The following PALB2 variants were observed in gnomAD, a reference collection of about 807,000 sequenced individuals.
PALB2 encodes the protein mutant partner and localizer of BRCA2.
Under a neutral mutation model 107.4 loss-of-function variants are expected in PALB2, and 82 were observed. That is an observed-to-expected ratio of 0.76 (90% CI 0.64 to 0.92). PALB2 has a LOEUF of 0.92. Ranked by LOEUF, PALB2 falls within the 40% of genes least tolerant of loss-of-function variation. PALB2 has a pLI of 0.00. For synonymous variants in PALB2, 489 were observed against 496.8 expected (o/e 0.98, Z 0.21); for missense variants, 1,374 against 1,379.9 (o/e 1.00, Z 0.07).
rs543266199 is a variant in PALB2 at position 23,635,568 on chromosome 16, T to C, written c.978A>G (p.Ser326=). 2.5e-6 allele frequency: 4 copies of C among 1,612,972 alleles called. No individual in the cohort carries two copies. The highest frequency in any genetic ancestry group is 1.1e-5 in the South Asian group (1 of 91,008). The change falls in exon 4 of 13, where the codon TCA becomes TCG. Residue 326 remains serine, a synonymous_variant. Transcript: ENST00000261584. ...TGTAGGTGAGTTCATTTAGAGAACA[T>C]GAAATATTTGCCTCTAAATTAGAAC... The part of the protein sequence containing the change: ...PTSSNLEANI[S]CSLNELTYNN...
In PALB2 at chr16:23,619,005, T is replaced by A. The variant is rs900738312; in HGVS notation, c.3113+2357A>T. On this transcript the variant is annotated intron_variant, in intron 10 of 12. Coordinates refer to ENST00000261584, the MANE Select transcript of PALB2 (RefSeq NM_024675.4). The stretch of plus-strand genomic sequence containing the variant: ...ACGTTTCTCTCAAGGGCCATACTTT[T>A]CTAGTTTATTCCTAGAAGGTTAGGG... 4.6e-5 allele frequency among the ~76,000 whole-genome samples: 7 copies of A among 152,178 alleles called. No homozygotes were observed. The South Asian group carries it at 8.3e-4, about 18-fold the overall frequency.
chr16:23,629,120 G>A, intron 6 of PALB2, 84 bp downstream of exon 6: 2 of 1,034,708 alleles, frequency 1.9e-6, no homozygotes, highest in Non-Finnish European at 3.0e-6. Flanking sequence ...TAAAGAACAA[G>A]AAGCTATATG....
At chr16:23,618,663 A>T (rs1966723455) in intron 10 of PALB2, among the ~76,000 whole-genome samples, 1 of 152,198 alleles carries the variant, frequency 6.6e-6, no homozygotes. Flanking sequence ...GTGACAGAGT[A>T]AGACATAGTC....
chr16:23,631,298 A>C (rs1225515114), intron 4 of PALB2, among the ~76,000 whole-genome samples: 3 of 146,696 alleles, frequency 2.0e-5, no homozygotes, highest in Admixed American at 6.8e-5. Flanking sequence ...AAAAAAAAAA[A>C]AAAAAAACTA....
chr16:23,605,838 C>T (rs1966462941), intron 12 of PALB2: 1 of 152,222 alleles, frequency 6.6e-6, no homozygotes, highest in South Asian at 2.1e-4. Flanking sequence ...TTTTGTAAAA[C>T]AGGCCCCAGA....
At chr16:23,609,613 G>A (rs1408303600) in intron 11 of PALB2, among the ~76,000 whole-genome samples, 4 of 152,022 alleles carry the variant, frequency 2.6e-5, no homozygotes, top group Non-Finnish European at 1.5e-5. Context: ...TGCCTCCTGG[G>A]TTCACGCCAT....
intron 8 of PALB2, 72 bp downstream of exon 8, chr16:23,623,937 T>C (rs1296307943): frequency 1.2e-5 from 12 of 975,284 alleles, no homozygotes; most frequent in Admixed American, 3.6e-5. Context: ...CCTAGGTTAT[T>C]ACCTGCACTT....
intron 4 of PALB2, among the ~76,000 whole-genome samples, chr16:23,631,556 C>CAAACA (rs1966878122): frequency 6.6e-6 from 1 of 151,934 alleles, no homozygotes; most frequent in South Asian, 2.1e-4. Flanking sequence ...TAAATAAAAC[C>CAAACA]AAACAAAACA....
In PALB2 at chr16:23,637,948, G is replaced by A. The variant is rs371875379; in HGVS notation, c.113C>T (p.Ala38Val). The A allele has an allele frequency of 1.9e-6, 3 of 1,613,118 alleles. No homozygotes were observed. In the East Asian group the frequency reaches 6.7e-5, roughly 36 times the overall value. Residue 38 changes from alanine to valine, a missense_variant, in exon 3 of 13, where the codon GCC becomes GTC. Transcript: ENST00000261584. ...ATGCTTAATCTTTTCAGCTCTTTGG[G>A]CACGCTAGAGGAGACAAAAACAGCC... is the stretch of plus-strand genomic sequence containing the variant. ...YSKTLARLQR[A>V]QRAEKIKHSI...
rs1060502805 is a variant in PALB2 at position 23,634,993 on chromosome 16, G to A, written c.1553C>T (p.Ser518Leu). ...PGRRYTGKRK[S>L]ACTPASDHCE... ...ATGATCTGATGCTGGGGTGCAGGCT[G>A]ATTTTCTTTTTCCTGTGTATCTTCT... The change falls in exon 4 of 13, where the codon TCA (serine) becomes TTA (leucine). Residue 518 changes from serine (S) to leucine (L), a missense_variant. By Grantham distance (145) the Ser-to-Leu change is moderately radical. Coordinates refer to ENST00000261584, the MANE Select transcript of PALB2 (RefSeq NM_024675.4). The A allele has an allele frequency of 6.2e-7, 1 of 1,614,040 alleles. No homozygotes were observed. The highest frequency in any genetic ancestry group is 1.3e-5 in the African/African-American group (1 of 74,902).
chr16:23,614,156 T>A (rs2142300826), intron 10 of PALB2, 65 bp from the exon 11 acceptor site: 1 of 1,194,350 alleles, frequency 8.4e-7, no homozygotes, highest in Non-Finnish European at 1.2e-6. Context: ...AGAAAATATT[T>A]TCTTATTCAT....
intron 6 of PALB2, among the ~76,000 whole-genome samples, chr16:23,627,926 G>C (rs1966849706): frequency 6.6e-6 from 1 of 152,124 alleles, no homozygotes; most frequent in Admixed American, 6.6e-5. Context: ...TTCTTTAAGA[G>C]ACTAAGTTAT....
Position 23,635,733 on chromosome 16 carries a change from A to T in PALB2, c.813T>A (p.Ser271Arg), listed in dbSNP as rs786203246. The change falls in exon 4 of 13, where the codon AGT becomes AGA. Residue 271 changes from serine (S) to arginine (R), a missense_variant. Physicochemically the swap from Ser to Arg is moderately radical, Grantham distance 110. Transcript: ENST00000261584. ...HLEHIPPKGS[S>R]ELTTHDLKNI... ...TTTTTAGGTCGTGAGTAGTAAGTTCACTGCTACCTTTAGGAGGAATGTGTT... is the reference window on the plus strand; with the variant it reads ...TTTTTAGGTCGTGAGTAGTAAGTTCTCTGCTACCTTTAGGAGGAATGTGTT... 1.2e-6 allele frequency: 2 copies of T among 1,614,058 alleles called. No homozygotes were observed. The highest frequency in any genetic ancestry group is 1.7e-6 in the Non-Finnish European group (2 of 1,180,032).
chr16:23,613,601 G>C (rs755044331), intron 11 of PALB2, among the ~76,000 whole-genome samples: 1 of 151,184 alleles, frequency 6.6e-6, no homozygotes, highest in Non-Finnish European at 1.5e-5. Context: ...CTGAGATCGC[G>C]CCATTGCACT....
chr16:23,605,880 A>ACCAGACAG (rs1371832056), intron 12 of PALB2: 1 of 152,226 alleles, frequency 6.6e-6, no homozygotes, highest in Non-Finnish European at 1.5e-5. Flanking sequence ...GGACACATCT[A>ACCAGACAG]TGAGCCAGGA....
chr16:23,609,766 T>C (rs1402884864), intron 11 of PALB2, among the ~76,000 whole-genome samples: 1 of 152,192 alleles, frequency 6.6e-6, no homozygotes, highest in African/African-American at 2.4e-5. Flanking sequence ...TCCGCCCGCC[T>C]TAGCCTCCCA....
chr16:23,622,500 T>A (rs1459850341), intron 9 of PALB2, among the ~76,000 whole-genome samples: 3 of 152,138 alleles, frequency 2.0e-5, no homozygotes, highest in Non-Finnish European at 4.4e-5. Context: ...GCTCAAGTGA[T>A]CCTTCCACCT....
chr16:23,626,387 C>T lies in PALB2; in HGVS notation c.2597G>A (p.Gly866Asp), dbSNP rs62625279. 3.1e-6 allele frequency: 5 copies of T among 1,613,982 alleles called. No homozygotes were observed. The highest frequency in any genetic ancestry group is 4.2e-6 in the Non-Finnish European group (5 of 1,180,038). The change falls in exon 7 of 13, where the codon GGT (glycine) becomes GAT (aspartate). Residue 866 changes from glycine (G) to aspartate (D), a missense_variant. By Grantham distance (94) the Gly-to-Asp change is moderately conservative (BLOSUM62 -1). Transcript: ENST00000261584. Reference sequence around the variant, plus strand: ...GGCACTCACATCTACGGAACAGGAACCTGAAGGATTCTGACACAATGGCAA... The same window carrying T: ...GGCACTCACATCTACGGAACAGGAATCTGAAGGATTCTGACACAATGGCAA... Reference protein sequence around the residue: ...QLVSELKNPSGSCSVDVSAMF... With the variant: ...QLVSELKNPSDSCSVDVSAMF...
At chr16:23,627,089 C>T (rs916424323) in intron 6 of PALB2, among the ~76,000 whole-genome samples, 4 of 152,108 alleles carry the variant, frequency 2.6e-5, no homozygotes, top group African/African-American at 7.2e-5. Context: ...ATTGAAACAA[C>T]ATACATTATA....
Sources: allele counts gnomAD v4.1 joint callset (sites outside exome capture counted in the v4.1 genomes callset), GRCh38; gene constraint gnomAD v4.1.1; transcripts MANE v1.5; gene names NCBI Gene and HGNC (gene_info 2026-07-23, HGNC 2026-07-21).